The following TIMM23 variants were observed in gnomAD, a reference collection of about 807,000 sequenced individuals.
TIMM23 encodes mitochondrial import inner membrane translocase subunit Tim23.
Under a neutral mutation model 30.7 loss-of-function variants are expected in TIMM23, and 19 were observed. The ratio of observed to expected loss-of-function variants is 0.62; its 90% CI spans 0.43 to 0.91. The LOEUF is 0.91. Among genes scored for constraint, TIMM23 ranks in the 40% least tolerant of loss-of-function variants. TIMM23 has a pLI of 0.00. For missense variants in TIMM23, 202 were observed against 269.2 expected (o/e 0.75, Z 1.75); for synonymous variants, 78 against 98.5 (o/e 0.79, Z 1.23).
intron 4 of TIMM23, among the ~76,000 whole-genome samples, chr10:45,983,800 A>G (rs1191999939): frequency 5.9e-5 from 9 of 152,164 alleles, no homozygotes; most frequent in East Asian, 1.9e-4. Flanking sequence ...CTGGAGTGCA[A>G]TGGCGCCATC....
intron 6 of TIMM23, among the ~76,000 whole-genome samples, chr10:45,989,724 C>T (rs1192708662): frequency 6.6e-6 from 1 of 152,138 alleles, no homozygotes; most frequent in Non-Finnish European, 1.5e-5. Flanking sequence ...GGAATGGCTT[C>T]CCTGTAAGTC....
At chr10:45,992,778 G>C (rs1478046391) in intron 6 of TIMM23, 8 of 343,504 alleles carry the variant, frequency 2.3e-5, no homozygotes, top group African/African-American at 8.7e-5. Context: ...GGATGTTCTC[G>C]ATCCCCTGAC....
At chr10:45,984,347 C>T (rs1462757705) in intron 4 of TIMM23, among the ~76,000 whole-genome samples, 1 of 152,018 alleles carries the variant, frequency 6.6e-6, no homozygotes, top group Admixed American at 6.5e-5. Flanking sequence ...AGTAGATCTC[C>T]TAGAAAAGAC....
intron 1 of TIMM23, 115 bp downstream of exon 1, chr10:45,972,845 T>G: frequency 1.3e-6 from 2 of 1,536,298 alleles, no homozygotes; most frequent in Non-Finnish European, 1.8e-6. Context: ...ATTTACAAGC[T>G]TAAGTACCAG....
At chr10:45,986,804 C>CGT (rs1161990914) in intron 5 of TIMM23, among the ~76,000 whole-genome samples, 72,030 of 148,966 alleles carry the variant, frequency 0.48, 15,617 homozygotes, top group Admixed American at 0.57. Flanking sequence ...ACTAGAAATA[C>CGT]GTGTGTGTGT....
At chr10:45,996,985 AG>A in intron 6 of TIMM23, among the ~76,000 whole-genome samples, 2 of 150,444 alleles carry the variant, frequency 1.3e-5, no homozygotes, top group Non-Finnish European at 3.0e-5. Flanking sequence ...AAAAAAAAAA[AG>A]ATAGATTCTA....
At chr10:45,993,540 C>T (rs1179624495) in intron 6 of TIMM23, among the ~76,000 whole-genome samples, 38 of 151,940 alleles carry the variant, frequency 2.5e-4, no homozygotes, top group African/African-American at 9.2e-4. Flanking sequence ...GGCGATAGAG[C>T]GAGTCTGTCT....
chr10:45,989,946 T>TA lies in TIMM23; in HGVS notation c.514+1101dup, dbSNP rs1431491591. ...AAAATAATCCACATACGTGATTTTT[T>TA]AAGTCAAGGTTTTTATCTTAACATC... On this transcript the variant is annotated intron_variant, in intron 6 of 6. Transcript: ENST00000580018. Among the ~76,000 whole-genome samples, 62 of 152,208 alleles carry TA rather than the reference T, an allele frequency of 4.1e-4. 1 individual carries two copies. The highest frequency in any genetic ancestry group is 4.1e-3 in the Admixed American group (62 of 15,282).
In TIMM23 at chr10:45,985,376, C is replaced by T; in HGVS notation, c.345-7C>T. 2 of 1,613,286 alleles carry T rather than the reference C, an allele frequency of 1.2e-6. No homozygotes were observed. The highest frequency in any genetic ancestry group is 1.7e-6 in the Non-Finnish European group (2 of 1,179,436). ...AATACAGATTCTTTCTCTTTCTGCC[C>T]TGATAGGATTTTGAATATGGTGACT... On this transcript the variant is annotated splice_polypyrimidine_tract_variant and splice_region_variant and intron_variant, in intron 4 of 6. Coordinates refer to ENST00000580018, the MANE Select transcript of TIMM23 (RefSeq NM_006327.4).
At chr10:45,981,970 A>G (rs1837863197) in intron 2 of TIMM23, among the ~76,000 whole-genome samples, 2 of 152,134 alleles carry the variant, frequency 1.3e-5, no homozygotes, top group African/African-American at 4.8e-5. Context: ...TGTGTATGCA[A>G]TTACTAGAAA....
At chr10:45,980,797 TTGTG>T (rs1361778137) in intron 2 of TIMM23, among the ~76,000 whole-genome samples, 1 of 152,134 alleles carries the variant, frequency 6.6e-6, no homozygotes, top group Admixed American at 6.6e-5. Context: ...ACAACCTTGT[TTGTG>T]TGTGAATTGA....
chr10:46,000,205 C>G (rs1838484725), intron 6 of TIMM23, among the ~76,000 whole-genome samples: 1 of 152,196 alleles, frequency 6.6e-6, no homozygotes, highest in African/African-American at 2.4e-5. Flanking sequence ...CATAGGAAAT[C>G]ACAAGGGTAT....
At chr10:45,999,875 C>A (rs1554917348) in intron 6 of TIMM23, among the ~76,000 whole-genome samples, 1 of 152,148 alleles carries the variant, frequency 6.6e-6, no homozygotes, top group Non-Finnish European at 1.5e-5. Context: ...TAGACCTATA[C>A]CCCCAGGCGC....
intron 6 of TIMM23, among the ~76,000 whole-genome samples, chr10:46,002,106 G>T (rs1367489743): frequency 2.0e-5 from 3 of 152,042 alleles, no homozygotes; most frequent in Non-Finnish European, 4.4e-5. Context: ...TTTTTTAATT[G>T]TGGGAGATTG....
In TIMM23 at chr10:45,996,751, C is replaced by G. The variant is rs1838345374; in HGVS notation, c.515-6452C>G. Among the ~76,000 whole-genome samples the G allele has an allele frequency of 6.6e-5, 10 of 152,024 alleles. No individual in the cohort carries two copies. In the South Asian group the frequency reaches 2.1e-3, roughly 32 times the overall value. ...CTATAATCCCAGCACTTTGGGAAGC[C>G]AATGTGGGCAGATTGAGTCCAGGAG... On this transcript the variant is annotated intron_variant, in intron 6 of 6. Coordinates refer to ENST00000580018, the MANE Select transcript of TIMM23 (RefSeq NM_006327.4).
At chr10:45,979,198 G>A (rs1189294353) in intron 2 of TIMM23, among the ~76,000 whole-genome samples, 2 of 152,204 alleles carry the variant, frequency 1.3e-5, no homozygotes, top group Non-Finnish European at 2.9e-5. Context: ...AAAATTTATT[G>A]TAGTCTTGGT....
At chr10:45,980,574 A>G (rs1169287479) in intron 2 of TIMM23, among the ~76,000 whole-genome samples, 1 of 152,118 alleles carries the variant, frequency 6.6e-6, no homozygotes, top group Non-Finnish European at 1.5e-5. Context: ...TAACATCCAT[A>G]GTGTTAAACA....
chr10:45,998,820 G>A (rs1554917188), intron 6 of TIMM23, among the ~76,000 whole-genome samples: 1 of 145,100 alleles, frequency 6.9e-6, no homozygotes. Flanking sequence ...TGTTACTGGT[G>A]TCCCAAATAT....
At chr10:45,998,704 T>A (rs1838420781) in intron 6 of TIMM23, among the ~76,000 whole-genome samples, 1 of 152,216 alleles carries the variant, frequency 6.6e-6, no homozygotes, top group African/African-American at 2.4e-5. Context: ...TGGAGTTGAT[T>A]TTTTTTCTCT....
Sources: allele counts gnomAD v4.1 joint callset (sites outside exome capture counted in the v4.1 genomes callset), GRCh38; gene constraint gnomAD v4.1.1; transcripts MANE v1.5; gene names NCBI Gene and HGNC (gene_info 2026-07-23, HGNC 2026-07-21).